TOPAZ1: variants seen among roughly 807,000 people sequenced by gnomAD.
TOPAZ1 encodes the protein testis and ovary specific TOPAZ 1.
TOPAZ1 carries 66 observed loss-of-function variants against 172.2 expected under a neutral mutation model. The ratio of observed to expected loss-of-function variants is 0.38; its 90% CI spans 0.31 to 0.47. The LOEUF (loss-of-function observed/expected upper bound fraction) is 0.47, where lower values mean the gene tolerates loss of function less well. Ranked by LOEUF, TOPAZ1 falls within the 20% of genes least tolerant of loss-of-function variation. The pLI is 0.99. For synonymous variants in TOPAZ1, 681 were observed against 683.9 expected (o/e 1.00, Z 0.07); for missense variants, 1,822 against 1,972.4 (o/e 0.92, Z 1.44).
intron 14 of TOPAZ1, among the ~76,000 whole-genome samples, chr3:44,305,934 C>G (rs982987549): frequency 1.3e-5 from 2 of 152,138 alleles, no homozygotes; most frequent in Non-Finnish European, 2.9e-5. Flanking sequence ...TAGTGGAGCA[C>G]CTGAATTTTT....
At chr3:44,299,732 GA>G (rs1416768284) in intron 12 of TOPAZ1, among the ~76,000 whole-genome samples, 1 of 150,642 alleles carries the variant, frequency 6.6e-6, no homozygotes, top group African/African-American at 2.4e-5. Flanking sequence ...ACTGGATTAA[GA>G]AAATGTGGCA....
downstream of TOPAZ1, among the ~76,000 whole-genome samples, chr3:44,333,470 A>G (rs1700692104): frequency 6.6e-6 from 1 of 152,208 alleles, no homozygotes; most frequent in Non-Finnish European, 1.5e-5. Flanking sequence ...TAAATTAGTC[A>G]TTTCTACAAA....
chr3:44,273,345 A>G (rs972999759), intron 8 of TOPAZ1, among the ~76,000 whole-genome samples: 4 of 152,236 alleles, frequency 2.6e-5, no homozygotes, highest in African/African-American at 9.6e-5. Context: ...GTAAAAGGCT[A>G]TATTCTAGAA....
chr3:44,257,493 T>TA (rs1355209462), intron 4 of TOPAZ1, among the ~76,000 whole-genome samples: 14 of 47,246 alleles, frequency 3.0e-4, no homozygotes, highest in East Asian at 4.3e-3. Flanking sequence ...TGTGTGTGTG[T>TA]GTGTGTGTGT....
chr3:44,283,728 T>TG (rs1700046931), intron 9 of TOPAZ1, among the ~76,000 whole-genome samples: 1 of 152,238 alleles, frequency 6.6e-6, no homozygotes, highest in African/African-American at 2.4e-5. Context: ...TATATGTGTG[T>TG]GTACACACAC....
intron 12 of TOPAZ1, among the ~76,000 whole-genome samples, chr3:44,298,065 A>T (rs564216643): frequency 1.3e-5 from 2 of 152,184 alleles, no homozygotes; most frequent in African/African-American, 4.8e-5. Context: ...GTTTAACTCA[A>T]TTCCTATCAG....
intron 17 of TOPAZ1, among the ~76,000 whole-genome samples, chr3:44,322,823 C>T (rs556119179): frequency 6.6e-6 from 1 of 152,068 alleles, no homozygotes; most frequent in African/African-American, 2.4e-5. Context: ...GAGGCTGAGG[C>T]GAGAGGATGA....
intron 12 of TOPAZ1, among the ~76,000 whole-genome samples, chr3:44,294,713 C>T (rs537498789): frequency 6.6e-6 from 1 of 152,076 alleles, no homozygotes; most frequent in Non-Finnish European, 1.5e-5. Flanking sequence ...AACATGTTGC[C>T]CAGTCTGGTC....
intron 3 of TOPAZ1, among the ~76,000 whole-genome samples, chr3:44,255,496 C>CA (rs1342964416): frequency 6.6e-6 from 1 of 151,498 alleles, no homozygotes; most frequent in African/African-American, 2.4e-5. Context: ...ACTAAAAGTA[C>CA]AAAAAATTAG....
chr3:44,269,105 A>C, intron 6 of TOPAZ1, 111 bp from the exon 7 acceptor site: 1 of 706,884 alleles, frequency 1.4e-6, no homozygotes, highest in South Asian at 1.6e-5. Context: ...CTGAATATGA[A>C]TATTTCAAAG....
chr3:44,269,956 T>G (rs1699878067), intron 7 of TOPAZ1, among the ~76,000 whole-genome samples: 1 of 152,224 alleles, frequency 6.6e-6, no homozygotes, highest in South Asian at 2.1e-4. Flanking sequence ...CCAGATATTA[T>G]ATGGATTTTG....
Position 44,331,803 on chromosome 3 carries a change from A to G in TOPAZ1, c.4871A>G (p.Asn1624Ser), listed in dbSNP as rs1431472115. The change falls in exon 20 of 20, where the codon AAC (asparagine) becomes AGC (serine). Residue 1624 changes from asparagine to serine, a missense_variant. Coordinates refer to ENST00000309765, the MANE Select transcript of TOPAZ1 (RefSeq NM_001145030.2). ...LQIVLKRCED[N>S]QSRSNDDYQA... ...TGTTCATTTTATAGGTGTGAAGACA[A>G]CCAGTCTCGGAGCAATGATGATTAT... 3 of 1,551,700 alleles carry G rather than the reference A, an allele frequency of 1.9e-6. No individual in the cohort carries two copies. Among genetic ancestry groups the G allele is most frequent in the African/African-American group, 1.4e-5 (1 of 73,044 alleles).
intron 16 of TOPAZ1, among the ~76,000 whole-genome samples, chr3:44,314,160 C>G (rs1393363716): frequency 6.6e-6 from 1 of 152,130 alleles, no homozygotes; most frequent in African/African-American, 2.4e-5. Context: ...ATCTCCTGAC[C>G]TCGTGATCTG....
chr3:44,312,360 A>G (rs1280286063), intron 16 of TOPAZ1, among the ~76,000 whole-genome samples: 1 of 152,212 alleles, frequency 6.6e-6, no homozygotes, highest in East Asian at 1.9e-4. Flanking sequence ...TGCACAAGAA[A>G]CTAGTAATAG....
In TOPAZ1 at chr3:44,243,653, AAAGT is replaced by A; in HGVS notation, c.1151_1154del (p.Val384AlafsTer7). The A allele has an allele frequency of 1.9e-6, 3 of 1,550,120 alleles. 1 individual carries two copies. Among genetic ancestry groups the A allele is most frequent in the Middle Eastern group, 3.3e-4 (2 of 5,990 alleles). Reference sequence around the variant, plus strand: ...TAAAAGTCCTTTAAATGTTTTGAGAAAAGTAAGCCATAATACAGTCTCTTTGATG... The same window carrying A: ...TAAAAGTCCTTTAAATGTTTTGAGAAAAGCCATAATACAGTCTCTTTGATG... On this transcript the variant is annotated frameshift_variant, in exon 2 of 20. Coordinates refer to ENST00000309765, the MANE Select transcript of TOPAZ1 (RefSeq NM_001145030.2). LOFTEE classifies it high-confidence loss of function.
At chr3:44,317,781 A>G (rs1014048737) in intron 16 of TOPAZ1, among the ~76,000 whole-genome samples, 2 of 152,256 alleles carry the variant, frequency 1.3e-5, no homozygotes, top group Non-Finnish European at 2.9e-5. Flanking sequence ...ACTAGTATTA[A>G]GCCCACTAGT....
In TOPAZ1 at chr3:44,316,078, T is replaced by TA. The variant is rs201380534; in HGVS notation, c.4307-4936dup. ...AGGGAGACTCTGTCTCTATGAAATT[T>TA]AAAAAAAAAAAAATTTAATTAGCCA... On this transcript the variant is annotated intron_variant, in intron 16 of 19. Coordinates refer to ENST00000309765, the MANE Select transcript of TOPAZ1 (RefSeq NM_001145030.2). Among the ~76,000 whole-genome samples, 301 of 144,876 alleles carry TA rather than the reference T, an allele frequency of 2.1e-3. 2 individuals are homozygous for TA. The East Asian group carries it at 0.037, about 18-fold the overall frequency.
At chr3:44,291,309 A>AG (rs1479252388) in intron 12 of TOPAZ1, among the ~76,000 whole-genome samples, 1 of 105,834 alleles carries the variant, frequency 9.4e-6, no homozygotes, top group African/African-American at 4.7e-5. Context: ...AAAGACCTTT[A>AG]AAAAAAAAAA....
At chr3:44,260,736 T>G (rs1021642977) in intron 4 of TOPAZ1, among the ~76,000 whole-genome samples, 1 of 152,160 alleles carries the variant, frequency 6.6e-6, no homozygotes, top group Non-Finnish European at 1.5e-5. Flanking sequence ...AATTATATAC[T>G]CATTTATATA....
Sources: allele counts gnomAD v4.1 joint callset (sites outside exome capture counted in the v4.1 genomes callset), GRCh38; gene constraint gnomAD v4.1.1; transcripts MANE v1.5; gene names NCBI Gene and HGNC (gene_info 2026-07-23, HGNC 2026-07-21).